Variants in SNX25 observed in about 807,000 individuals in gnomAD.
SNX25 encodes sorting nexin 25.
A neutral mutation model predicts 113.7 loss-of-function variants in SNX25; 62 were observed. That is an observed-to-expected ratio of 0.55 (90% CI 0.44 to 0.67). The LOEUF (loss-of-function observed/expected upper bound fraction) is 0.67, where lower values mean the gene tolerates loss of function less well. SNX25 is among the 30% of genes least tolerant of loss of function. The pLI, the probability that SNX25 is intolerant of heterozygous loss-of-function variation, is 0.00. For missense variants in SNX25, 1,014 were observed against 1,161.0 expected (o/e 0.87, Z 1.84); for synonymous variants, 421 against 436.2 (o/e 0.97, Z 0.43).
In SNX25 at chr4:185,234,574, C is replaced by T. The variant is rs1210517169; in HGVS notation, c.430-12720C>T. ...GCGGGCGCCTGTAGTCCCAGCTACT[C>T]GGGAGGCTGAGGCAGGAGAATGGCG... On this transcript the variant is annotated intron_variant, in intron 1 of 18. Transcript: ENST00000652585. Among the ~76,000 whole-genome samples the T allele has an allele frequency of 3.0e-5, 2 of 67,364 alleles. 1 individual carries two copies. The highest frequency in any genetic ancestry group is 6.4e-5 in the Non-Finnish European group (2 of 31,434). The allele number at this position is 67,364 out of a possible 152,430, so 44.2% of individuals were successfully genotyped here. A position where few individuals can be genotyped will look rare whatever the true frequency, so the allele number is the denominator to read the frequency against.
At chr4:185,318,221 T>A (rs2095090981) in intron 7 of SNX25, among the ~76,000 whole-genome samples, 1 of 152,234 alleles carries the variant, frequency 6.6e-6, no homozygotes, top group Admixed American at 6.5e-5. Flanking sequence ...AATTTCAAAA[T>A]GTAAGTTTTT....
At chr4:185,371,470 AG>A (rs2095415228), downstream of SNX25, among the ~76,000 whole-genome samples, 2 of 151,156 alleles carry the variant, frequency 1.3e-5, no homozygotes, top group African/African-American at 4.9e-5. Flanking sequence ...TGAACCCGGA[AG>A]GCAGAGCTTG....
chr4:185,266,800 A>T (rs1047839281), intron 4 of SNX25, among the ~76,000 whole-genome samples, 169 bp from the exon 5 acceptor site: 1 of 151,998 alleles, frequency 6.6e-6, no homozygotes, highest in African/African-American at 2.4e-5. Context: ...AGGCAGCTGT[A>T]TGTGTGCATG....
chr4:185,212,779 G>A (rs941748394), intron 1 of SNX25, among the ~76,000 whole-genome samples: 1 of 152,174 alleles, frequency 6.6e-6, no homozygotes, highest in Admixed American at 6.5e-5. Context: ...TGTGGAGGGG[G>A]AGGCTGTTTA....
intron 1 of SNX25, among the ~76,000 whole-genome samples, chr4:185,242,986 G>A (rs1432720823): frequency 6.6e-6 from 1 of 152,110 alleles, no homozygotes; most frequent in East Asian, 1.9e-4. Flanking sequence ...TTCTCCATCA[G>A]GCTATGGGGA....
intron 9 of SNX25, among the ~76,000 whole-genome samples, chr4:185,329,410 C>T (rs1402809111): frequency 6.6e-6 from 1 of 152,052 alleles, no homozygotes; most frequent in Non-Finnish European, 1.5e-5. Flanking sequence ...TTGTTCCAGG[C>T]ATCCCCAGAC....
intron 6 of SNX25, among the ~76,000 whole-genome samples, chr4:185,302,115 T>C (rs1013268034): frequency 1.3e-5 from 2 of 150,164 alleles, no homozygotes; most frequent in Non-Finnish European, 3.0e-5. Context: ...TTTTTTTTTT[T>C]AGTAGAGACA....
Position 185,361,939 on chromosome 4 carries a change from A to G in SNX25, c.2667A>G (p.Thr889=). 2 of 1,614,080 alleles carry G rather than the reference A, an allele frequency of 1.2e-6. No individual in the cohort carries two copies. Among genetic ancestry groups the G allele is most frequent in the Non-Finnish European group, 1.7e-6 (2 of 1,179,982 alleles). Residue 889 remains threonine, a synonymous_variant, in exon 17 of 19, where the codon ACA becomes ACG. Coordinates refer to ENST00000652585, the MANE Select transcript of SNX25 (RefSeq NM_001378034.2). The part of the protein sequence containing the change: ...GRTINKQIRD[T]VSWIFSEQML... ...CTCTTAAAAGACAAATCCGGGACAC[A>G]GTCAGCTGGATTTTCAGTGAGCAAA...
intron 6 of SNX25, among the ~76,000 whole-genome samples, chr4:185,290,048 C>T (rs1237985653): frequency 6.6e-6 from 1 of 152,168 alleles, no homozygotes; most frequent in African/African-American, 2.4e-5. Flanking sequence ...TTCACATTGT[C>T]CTTCTTTTGT....
chr4:185,276,639 C>T (rs958325916), intron 5 of SNX25, among the ~76,000 whole-genome samples: 11 of 152,148 alleles, frequency 7.2e-5, no homozygotes, highest in Admixed American at 6.5e-4. Context: ...GTTTGAGCAA[C>T]AGCCTGGGCA....
At chr4:185,211,908 A>G (rs1737870911) in intron 1 of SNX25, among the ~76,000 whole-genome samples, 1 of 152,110 alleles carries the variant, frequency 6.6e-6, no homozygotes, top group South Asian at 2.1e-4. Context: ...CTCCCAGCTC[A>G]CTGGCACCTC....
chr4:185,342,109 T>C lies in SNX25; in HGVS notation c.2180T>C (p.Leu727Pro). ...LSEFQNLHRK[L>P]SECVPSLKKV... ...GAGTTTCAGAATTTACACCGGAAAC[T>C]CAGTGAGGTATGAATACTCATGAAC... The change falls in exon 12 of 19, where the codon CTC becomes CCC. Residue 727 changes from leucine (L) to proline (P), a missense_variant. Physicochemically the swap from Leu to Pro is moderately conservative, Grantham distance 98 (BLOSUM62 -3). Transcript: ENST00000652585. 6.3e-7 allele frequency: 1 copy of C among 1,597,750 alleles called. No individual in the cohort carries two copies. Among genetic ancestry groups the C allele is most frequent in the Non-Finnish European group, 8.5e-7 (1 of 1,173,740 alleles).
intron 1 of SNX25, among the ~76,000 whole-genome samples, chr4:185,222,499 C>T (rs1365100092): frequency 2.6e-5 from 4 of 151,454 alleles, no homozygotes; most frequent in African/African-American, 4.9e-5. Context: ...AGGTTTACAG[C>T]GCCGTATACC....
At chr4:185,205,583 C>G (rs1252365213), upstream of SNX25, among the ~76,000 whole-genome samples, 1 of 152,174 alleles carries the variant, frequency 6.6e-6, no homozygotes, top group Non-Finnish European at 1.5e-5. Context: ...TAATTCCGCA[C>G]TTTGAGAGGC....
chr4:185,267,943 T>C (rs1358318345), intron 5 of SNX25, among the ~76,000 whole-genome samples: 3 of 152,116 alleles, frequency 2.0e-5, no homozygotes, highest in Non-Finnish European at 2.9e-5. Flanking sequence ...TAAGTGGAAG[T>C]AGATCATCAT....
intron 1 of SNX25, among the ~76,000 whole-genome samples, chr4:185,212,493 T>TGTG (rs1560890049): frequency 1.3e-5 from 1 of 77,110 alleles, no homozygotes; most frequent in East Asian, 6.4e-4. Context: ...GTGTGTGTGT[T>TGTG]TTTTTTTTTT....
At chr4:185,223,117 A>G (rs1039844969) in intron 1 of SNX25, among the ~76,000 whole-genome samples, 18 of 152,070 alleles carry the variant, frequency 1.2e-4, no homozygotes, top group Non-Finnish European at 8.8e-5. Context: ...CAGAAACCCC[A>G]TACACCCCTT....
the SNX25 span, among the ~76,000 whole-genome samples, chr4:185,376,378 A>T: frequency 3.3e-5 from 5 of 151,968 alleles, no homozygotes; most frequent in South Asian, 1.0e-3. Flanking sequence ...CCTGGGTTCA[A>T]GCGATTCTCT....
chr4:185,274,063 CTT>C (rs1259565969), intron 5 of SNX25, among the ~76,000 whole-genome samples: 17 of 139,062 alleles, frequency 1.2e-4, no homozygotes, highest in Non-Finnish European at 9.5e-5. Flanking sequence ...TATACACGGG[CTT>C]TTTTTTTTTT....
Sources: gnomAD v4.1 joint callset for allele counts (sites outside exome capture counted in the v4.1 genomes callset) on GRCh38, gnomAD v4.1.1 for gene constraint, MANE v1.5 for transcripts, NCBI Gene and HGNC (gene_info 2026-07-23, HGNC 2026-07-21) for gene names.